The following ABAT variants were observed in gnomAD, a reference collection of about 807,000 sequenced individuals.
ABAT encodes 4-aminobutyrate aminotransferase, mitochondrial.
A neutral mutation model predicts 64.6 loss-of-function variants in ABAT; 45 were observed. That is an observed-to-expected ratio of 0.70 (90% CI 0.55 to 0.89). ABAT has a LOEUF of 0.89. ABAT is among the 40% of genes least tolerant of loss of function. ABAT has a pLI of 0.00. For missense variants in ABAT, 633 were observed against 658.4 expected, an observed-to-expected ratio of 0.96 and a Z score of 0.42; for synonymous variants, 297 against 250.5, an observed-to-expected ratio of 1.19 and a Z score of -1.75.
At chr16:8,736,714 G>C (rs1313985619) in intron 2 of ABAT, 1 of 152,192 alleles carries the variant, frequency 6.6e-6, no homozygotes, top group African/African-American at 2.4e-5. Context: ...AGTCCCATGA[G>C]GGAGGGAGGC....
chr16:8,687,239 G>A (rs1400582690), intron 1 of ABAT, among the ~76,000 whole-genome samples: 6 of 152,174 alleles, frequency 3.9e-5, no homozygotes, highest in African/African-American at 7.2e-5. Context: ...CCGCTCTTCC[G>A]GGTTCTTCAG....
At chr16:8,738,480 C>T (rs1038177282) in intron 2 of ABAT, 1 of 455,764 alleles carries the variant, frequency 2.2e-6, no homozygotes, top group Non-Finnish European at 4.4e-6. Flanking sequence ...TGATTTGTCT[C>T]ATCTTCCATG....
chr16:8,703,633 G>C (rs1239617563), intron 1 of ABAT, among the ~76,000 whole-genome samples: 1 of 152,178 alleles, frequency 6.6e-6, no homozygotes, highest in Non-Finnish European at 1.5e-5. Context: ...CAGTGTCTGA[G>C]GGCAAAAGTG....
intron 5 of ABAT, among the ~76,000 whole-genome samples, chr16:8,755,844 T>C (rs1306046519): frequency 6.6e-6 from 1 of 152,142 alleles, no homozygotes; most frequent in Non-Finnish European, 1.5e-5. Flanking sequence ...GGTCAGCAGA[T>C]TGAGACCATC....
At chr16:8,704,149 T>C (rs2057888419) in intron 1 of ABAT, among the ~76,000 whole-genome samples, 1 of 152,224 alleles carries the variant, frequency 6.6e-6, no homozygotes, top group African/African-American at 2.4e-5. Context: ...CTTTCAACTT[T>C]AAGTATTTCC....
Position 8,768,185 on chromosome 16 carries a change from G to T in ABAT, c.604-8G>T. 1 of 1,613,826 alleles carries T rather than the reference G, an allele frequency of 6.2e-7. No individual in the cohort carries two copies. The highest frequency in any genetic ancestry group is 8.5e-7 in the Non-Finnish European group (1 of 1,179,828). On this transcript the variant is annotated splice_region_variant and splice_polypyrimidine_tract_variant and intron_variant, in intron 9 of 15. Transcript: ENST00000268251. ...CTATGACTAATGACTGATATTTCTT[G>T]GTTTTAGGCCCCTGGCTGCCCCGAC...
At chr16:8,682,994 G>A (rs2057370630) in intron 1 of ABAT, among the ~76,000 whole-genome samples, 1 of 152,230 alleles carries the variant, frequency 6.6e-6, no homozygotes, top group African/African-American at 2.4e-5. Flanking sequence ...TAGCTTTGCT[G>A]ATAAGTTACA....
chr16:8,697,885 C>T (rs1385784947), intron 1 of ABAT, among the ~76,000 whole-genome samples: 3 of 152,184 alleles, frequency 2.0e-5, no homozygotes, highest in Admixed American at 1.3e-4. Context: ...GATCCACCTG[C>T]GTCAGCCTCC....
At chr16:8,751,969 A>C (rs1449313098) in intron 5 of ABAT, among the ~76,000 whole-genome samples, 4 of 152,212 alleles carry the variant, frequency 2.6e-5, no homozygotes, top group Non-Finnish European at 5.9e-5. Flanking sequence ...AGTAGTCCAT[A>C]GGCTGTGTCT....
At chr16:8,682,982 G>A (rs1286118610) in intron 1 of ABAT, among the ~76,000 whole-genome samples, 1 of 152,208 alleles carries the variant, frequency 6.6e-6, no homozygotes, top group Non-Finnish European at 1.5e-5. Flanking sequence ...CTAAGCTAGG[G>A]ATAGCTTTGC....
intron 1 of ABAT, among the ~76,000 whole-genome samples, chr16:8,723,989 C>T (rs1013166240): frequency 4.6e-5 from 7 of 151,256 alleles, no homozygotes; most frequent in Admixed American, 6.6e-5. Flanking sequence ...TACAGGTGCA[C>T]GCCACCATGC....
chr16:8,707,353 A>ATTTTTTTTTTTTT (rs386384172), intron 1 of ABAT, among the ~76,000 whole-genome samples: 4 of 123,948 alleles, frequency 3.2e-5, no homozygotes, highest in African/African-American at 1.0e-4. Flanking sequence ...TGCCAGGGTA[A>ATTTTTTTTTTTTT]TTTTTTTTTT....
intron 2 of ABAT, among the ~76,000 whole-genome samples, chr16:8,743,795 G>T (rs968135045): frequency 7.3e-5 from 11 of 151,608 alleles, no homozygotes; most frequent in Admixed American, 4.0e-4. Flanking sequence ...AGTGTCCACT[G>T]ATTCCCTAGT....
intron 1 of ABAT, among the ~76,000 whole-genome samples, chr16:8,721,241 C>T (rs565464320): frequency 6.0e-4 from 91 of 152,312 alleles, no homozygotes; most frequent in African/African-American, 2.1e-3. Context: ...TCATATCCAG[C>T]ACCTCACACT....
intron 2 of ABAT, 69 bp downstream of exon 2, chr16:8,735,878 G>C (rs1325371237): frequency 4.0e-5 from 55 of 1,389,100 alleles, no homozygotes; most frequent in Non-Finnish European, 5.1e-5. Context: ...GGATTCCTGG[G>C]CTGGAAGAGC....
At chr16:8,679,794 T>C (rs1233475860) in intron 1 of ABAT, among the ~76,000 whole-genome samples, 4 of 152,100 alleles carry the variant, frequency 2.6e-5, no homozygotes, top group African/African-American at 9.7e-5. Flanking sequence ...TTCTTCACTT[T>C]GCCCTCTGAT....
At position 8,783,719 on chromosome 16, in the gene ABAT, G is replaced by T. The variant is rs1419913438; in HGVS notation, c.*2289G>T. 1 of 152,188 alleles carries T rather than the reference G, an allele frequency of 6.6e-6. No homozygotes were observed. The highest frequency in any genetic ancestry group is 2.4e-5 in the African/African-American group (1 of 41,458). 9.4% of individuals were successfully genotyped at this position (152,188 alleles called of 1,614,324 possible). On this transcript the variant is annotated 3_prime_UTR_variant, in exon 16 of 16. Coordinates refer to ENST00000268251, the MANE Select transcript of ABAT (RefSeq NM_020686.6). ...CTTTAGCATTGGGTGCAAATATTCA[G>T]TATGGTTCTCGGAGTCCAAAGGGTT... is the stretch of plus-strand genomic sequence containing the variant.
Position 8,764,189 on chromosome 16 carries a change from G to T in ABAT, c.447+40G>T. On this transcript the variant is annotated intron_variant, in intron 7 of 15. Transcript: ENST00000268251. The surrounding 1 kb of genome is among the most constrained non-coding windows in gnomAD (Gnocchi z 4.2). ...AGCAATCCCATTGTCTTCAGACGTG[G>T]TACTGGCAGGGGAAGGGAAAAGTGG... 1 of 1,551,046 alleles carries T rather than the reference G, an allele frequency of 6.4e-7. No individual in the cohort carries two copies. The highest frequency in any genetic ancestry group is 1.4e-5 in the African/African-American group (1 of 73,798).
intron 5 of ABAT, among the ~76,000 whole-genome samples, chr16:8,756,606 A>G (rs564313028): frequency 1.8e-4 from 27 of 152,272 alleles, no homozygotes; most frequent in African/African-American, 4.8e-4. Context: ...CTAGAGAGAT[A>G]CTCAGTGCGT....
Sources: allele counts gnomAD v4.1 joint callset (sites outside exome capture counted in the v4.1 genomes callset), GRCh38; gene constraint gnomAD v4.1.1; non-coding constraint Gnocchi (gnomAD v3.1); transcripts MANE v1.5; gene names NCBI Gene and HGNC (gene_info 2026-07-23, HGNC 2026-07-21).